The following HTRA3 variants were observed in gnomAD, a reference collection of about 807,000 sequenced individuals.
HTRA3 encodes the protein HtrA serine peptidase 3.
HTRA3 carries 41 observed loss-of-function variants against 43.2 expected under a neutral mutation model. The ratio of observed to expected loss-of-function variants is 0.95; its 90% CI spans 0.74 to 1.23. The LOEUF is 1.23. Among genes scored for constraint, HTRA3 ranks in the 50% most tolerant of loss-of-function variants. HTRA3 has a pLI of 0.00. For synonymous variants in HTRA3, 295 were observed against 287.9 expected, an observed-to-expected ratio of 1.02 and a Z score of -0.25; for missense variants, 628 against 647.1, an observed-to-expected ratio of 0.97 and a Z score of 0.32.
At chr4:8,282,315 G>C (rs1712780405) in intron 1 of HTRA3, 122 bp from the exon 2 acceptor site, 2 of 749,752 alleles carry the variant, frequency 2.7e-6, no homozygotes, top group African/African-American at 1.7e-5. Flanking sequence ...GGCTGAGGCT[G>C]GCTCTGAACT....
chr4:8,288,185 C>T (rs988890858), intron 3 of HTRA3, among the ~76,000 whole-genome samples: 11 of 152,224 alleles, frequency 7.2e-5, no homozygotes, highest in African/African-American at 1.7e-4. Flanking sequence ...AGACTTTTCA[C>T]GGTCGCGATT....
chr4:8,290,018 C>T (rs181764085), intron 3 of HTRA3, among the ~76,000 whole-genome samples: 4 of 152,304 alleles, frequency 2.6e-5, no homozygotes, highest in Admixed American at 6.5e-5. Context: ...CCTCAGTTCA[C>T]GGCCTCCCAG....
chr4:8,297,269 A>G lies in HTRA3; in HGVS notation c.1051+3068A>G, dbSNP rs1713488042. ...GTGTTCTGCTCACCTCTCAAGTTCA[A>G]GGAGAAGAGGCTTCAGAGTCCCCTA... On this transcript the variant is annotated intron_variant, in intron 6 of 8. Coordinates refer to ENST00000307358, the MANE Select transcript of HTRA3 (RefSeq NM_053044.5). The surrounding 1 kb of genome is among the most constrained non-coding windows in gnomAD (Gnocchi z 5.8). Among the ~76,000 whole-genome samples, 1 of 151,854 alleles carries G rather than the reference A, an allele frequency of 6.6e-6. No homozygotes were observed. The highest frequency in any genetic ancestry group is 2.4e-5 in the African/African-American group (1 of 41,320).
chr4:8,279,235 CT>C lies in HTRA3; in HGVS notation c.386-3201del, dbSNP rs1186107411. ...TTGCTCTCCCTCCCTGTTTTATTTT[CT>C]CTTTGAAAAATGAAAAAAAGTCACT... On this transcript the variant is annotated intron_variant, in intron 1 of 8. Coordinates refer to ENST00000307358, the MANE Select transcript of HTRA3 (RefSeq NM_053044.5). The surrounding 1 kb of genome is among the most constrained non-coding windows in gnomAD (Gnocchi z 7.4). 6.6e-6 allele frequency among the ~76,000 whole-genome samples: 1 copy of C among 152,212 alleles called. No homozygotes were observed. Among genetic ancestry groups the C allele is most frequent in the African/African-American group, 2.4e-5 (1 of 41,454 alleles).
chr4:8,269,914 C>G lies in HTRA3; in HGVS notation c.-55C>G. On this transcript the variant is annotated 5_prime_UTR_variant, in exon 1 of 9. Transcript: ENST00000307358. ...CCGGCCCCGCAGCGGCCTCGTTGTC[C>G]CCGCCGGCCCCCGCCCGGTCTCCCG... 2.2e-6 allele frequency: 2 copies of G among 892,898 alleles called. No homozygotes were observed. The highest frequency in any genetic ancestry group is 2.7e-6 in the Non-Finnish European group (2 of 740,154). The allele number at this position is 892,898 out of a possible 1,614,324, so 55.3% of individuals were successfully genotyped here. A position where few individuals can be genotyped will look rare whatever the true frequency, so the allele number is the denominator to read the frequency against.
At position 8,295,909 on chromosome 4, in the gene HTRA3, A is replaced by G; in HGVS notation, c.1051+1708A>G. On this transcript the variant is annotated intron_variant, in intron 6 of 8. Coordinates refer to ENST00000307358, the MANE Select transcript of HTRA3 (RefSeq NM_053044.5). The surrounding 1 kb of genome is among the most constrained non-coding windows in gnomAD (Gnocchi z 6.9). ...GCCAGGCAGAGCCTGTCTTTCCCAAAGAAGCTGAAGTCTTCTTCTCTTGAA... is the reference window on the plus strand; with the variant it reads ...GCCAGGCAGAGCCTGTCTTTCCCAAGGAAGCTGAAGTCTTCTTCTCTTGAA... 8.1e-7 allele frequency: 1 copy of G among 1,232,482 alleles called. No individual in the cohort carries two copies. The highest frequency in any genetic ancestry group is 1.0e-6 in the Non-Finnish European group (1 of 987,508). The allele number at this position is 1,232,482 out of a possible 1,614,324, so 76.3% of individuals were successfully genotyped here.
rs1713875566 is a variant in HTRA3, at chr4:8,306,886, G to A, written c.*750G>A. ...CGTGGAGCTGCGGGGTGTGAGGACTGAGCCGGCTTCCCCTTCCCACGCAGC... is the reference window on the plus strand; with the variant it reads ...CGTGGAGCTGCGGGGTGTGAGGACTAAGCCGGCTTCCCCTTCCCACGCAGC... On this transcript the variant is annotated 3_prime_UTR_variant, in exon 9 of 9. Coordinates refer to ENST00000307358, the MANE Select transcript of HTRA3 (RefSeq NM_053044.5). This position sits in a 1 kb window ranked among gnomAD's most constrained non-coding sequence, Gnocchi z 8.9. The A allele has an allele frequency of 6.6e-6, 1 of 152,662 alleles. No individual in the cohort carries two copies. The highest frequency in any genetic ancestry group is 6.5e-5 in the Admixed American group (1 of 15,288). 9.5% of individuals were successfully genotyped at this position (152,662 alleles called of 1,614,324 possible). A position where few individuals can be genotyped will look rare whatever the true frequency, so the allele number is the denominator to read the frequency against.
At chr4:8,282,387 T>C (rs1712783687) in intron 1 of HTRA3, 50 bp from the exon 2 acceptor site, 1 of 1,420,842 alleles carries the variant, frequency 7.0e-7, no homozygotes, top group African/African-American at 1.4e-5. Flanking sequence ...CTCTGGGAGC[T>C]GGCAGCATCG....
intron 2 of HTRA3, among the ~76,000 whole-genome samples, chr4:8,283,640 TGAG>T (rs1712844409): frequency 1.3e-5 from 2 of 152,192 alleles, no homozygotes. Flanking sequence ...AACAGCCTGA[TGAG>T]GAGGCCCCGG....
intron 6 of HTRA3, among the ~76,000 whole-genome samples, chr4:8,301,697 C>T (rs890278868): frequency 8.5e-5 from 13 of 152,152 alleles, no homozygotes; most frequent in Non-Finnish European, 1.6e-4. Flanking sequence ...TCTACCTCTA[C>T]AACCTACAAA....
rs1432525655 is a variant in HTRA3, at chr4:8,279,716, G to A, written c.386-2721G>A. On this transcript the variant is annotated intron_variant, in intron 1 of 8. Coordinates refer to ENST00000307358, the MANE Select transcript of HTRA3 (RefSeq NM_053044.5). The surrounding 1 kb of genome is among the most constrained non-coding windows in gnomAD (Gnocchi z 7.4). ...CTGGGCCCAGGTCCCTGTGTGCCGT[G>A]GCTGCCTGCACAGGCAATGCGGGCT... is the stretch of plus-strand genomic sequence containing the variant. Among the ~76,000 whole-genome samples the A allele has an allele frequency of 2.0e-5, 3 of 152,144 alleles. No individual in the cohort carries two copies. The highest frequency in any genetic ancestry group is 2.9e-5 in the Non-Finnish European group (2 of 68,030).
chr4:8,292,006 C>G (rs781658522), intron 4 of HTRA3, among the ~76,000 whole-genome samples: 1 of 151,602 alleles, frequency 6.6e-6, no homozygotes, highest in African/African-American at 2.4e-5. Context: ...TGTAGAGGGC[C>G]CCCCCAGGCC....
chr4:8,277,014 G>A (rs535983038), intron 1 of HTRA3, among the ~76,000 whole-genome samples: 7 of 152,366 alleles, frequency 4.6e-5, no homozygotes, highest in East Asian at 1.9e-4. Flanking sequence ...TCCCGCCTGC[G>A]AGGTGTGGCC....
At chr4:8,289,804 G>A (rs940401309) in intron 3 of HTRA3, among the ~76,000 whole-genome samples, 1 of 151,228 alleles carries the variant, frequency 6.6e-6, no homozygotes, top group Non-Finnish European at 1.5e-5. Context: ...ACCCTCCTTG[G>A]GTGCAGGGAG....
chr4:8,293,329 C>T (rs1293382000), intron 5 of HTRA3, among the ~76,000 whole-genome samples: 2 of 152,254 alleles, frequency 1.3e-5, no homozygotes, highest in Non-Finnish European at 1.5e-5. Flanking sequence ...CACAGAGGGC[C>T]GAGGGTGGAC....
intron 1 of HTRA3, among the ~76,000 whole-genome samples, chr4:8,277,195 G>A (rs2153004007): frequency 6.6e-6 from 1 of 152,330 alleles, no homozygotes; most frequent in East Asian, 1.9e-4. Flanking sequence ...TTGGGGACAT[G>A]GCTCGGTGGG....
chr4:8,295,712 C>A lies in HTRA3; in HGVS notation c.1051+1511C>A. On this transcript the variant is annotated intron_variant, in intron 6 of 8. Transcript: ENST00000307358. The surrounding 1 kb of genome is among the most constrained non-coding windows in gnomAD (Gnocchi z 6.9). ...CCTCCCAGCCCCCTCACTGGCAGTT[C>A]ATTGAGAGCAGGGGGCTTCCTCACG... The A allele has an allele frequency of 7.1e-7, 1 of 1,416,472 alleles. No individual in the cohort carries two copies. The highest frequency in any genetic ancestry group is 9.2e-7 in the Non-Finnish European group (1 of 1,083,250). 87.7% of individuals were successfully genotyped at this position (1,416,472 alleles called of 1,614,324 possible).
intron 3 of HTRA3, among the ~76,000 whole-genome samples, chr4:8,290,618 C>CGT (rs778801258): frequency 2.8e-4 from 42 of 152,198 alleles, no homozygotes; most frequent in Admixed American, 1.8e-3. Context: ...CCCAATTTAT[C>CGT]GTGTGTGTGT....
chr4:8,284,260 T>C (rs957373330), intron 2 of HTRA3, among the ~76,000 whole-genome samples: 6 of 152,118 alleles, frequency 3.9e-5, no homozygotes, highest in African/African-American at 7.2e-5. Flanking sequence ...CCCTGAGACA[T>C]GTCATTGAGG....
Sources: gnomAD v4.1 joint callset for allele counts (sites outside exome capture counted in the v4.1 genomes callset) on GRCh38, gnomAD v4.1.1 for gene constraint, Gnocchi (gnomAD v3.1) non-coding constraint, MANE v1.5 for transcripts, NCBI Gene and HGNC (gene_info 2026-07-23, HGNC 2026-07-21) for gene names.